FHOD3: variants seen among roughly 807,000 people sequenced by gnomAD.
The protein encoded by FHOD3 is FH1/FH2 domain-containing protein 3.
FHOD3 carries 90 observed loss-of-function variants against 173.0 expected under a neutral mutation model. The observed-to-expected ratio is 0.52, with a 90% CI of 0.44 to 0.62. FHOD3 has a LOEUF of 0.62. FHOD3 is among the 20% of genes least tolerant of loss of function. The probability of loss-of-function intolerance (pLI) is 0.00; values close to 1 mark genes in which losing one functional copy is unlikely to be tolerated. For missense variants in FHOD3, 1,945 were observed against 2,034.7 expected (o/e 0.96, Z 0.85); for synonymous variants, 828 against 823.0 (o/e 1.01, Z -0.10).
chr18:36,377,661 CT>C (rs1356184591), intron 3 of FHOD3, among the ~76,000 whole-genome samples: 1 of 152,166 alleles, frequency 6.6e-6, no homozygotes. Context: ...GCTCGGGCAC[CT>C]GGCCCCTCTG....
chr18:36,587,661 C>T (rs1284657728), intron 6 of FHOD3, among the ~76,000 whole-genome samples: 1 of 152,000 alleles, frequency 6.6e-6, no homozygotes. Context: ...CTTGGTGGTG[C>T]ATGCCTGTAA....
At chr18:36,509,426 CAAAAAAAAAAAAA>C (rs34772691) in intron 4 of FHOD3, among the ~76,000 whole-genome samples, 2 of 54,854 alleles carry the variant, frequency 3.6e-5, no homozygotes, top group Admixed American at 2.0e-4. Flanking sequence ...GACTCCATCT[CAAAAAAAAAAAAA>C]AAGAAAAAAA....
chr18:36,633,167 A>G (rs2034635385), intron 10 of FHOD3, among the ~76,000 whole-genome samples: 1 of 152,184 alleles, frequency 6.6e-6, no homozygotes, highest in Non-Finnish European at 1.5e-5. Context: ...CAGTGTTCCT[A>G]GAGGAAGGTC....
intron 28 of FHOD3, chr18:36,778,505 T>A (rs528891520): frequency 2.0e-5 from 3 of 152,340 alleles, no homozygotes; most frequent in Admixed American, 2.0e-4. Context: ...TGAAGACTTG[T>A]CTTGGGTGAG....
intron 9 of FHOD3, among the ~76,000 whole-genome samples, chr18:36,621,330 G>T (rs1309286723): frequency 6.6e-6 from 1 of 152,160 alleles, no homozygotes; most frequent in Non-Finnish European, 1.5e-5. Context: ...GTATGTATCA[G>T]TTATCTTTTT....
At chr18:36,403,029 G>T (rs933617650) in intron 3 of FHOD3, among the ~76,000 whole-genome samples, 1 of 152,196 alleles carries the variant, frequency 6.6e-6, no homozygotes, top group East Asian at 1.9e-4. Flanking sequence ...GAAAATCTTC[G>T]AGGATAGTTT....
At chr18:36,641,463 C>T (rs2035301071) in intron 10 of FHOD3, among the ~76,000 whole-genome samples, 1 of 152,198 alleles carries the variant, frequency 6.6e-6, no homozygotes, top group African/African-American at 2.4e-5. Context: ...GTCCCTTACT[C>T]AGGTCCTCTT....
chr18:36,624,845 G>A (rs2033977317), intron 9 of FHOD3, among the ~76,000 whole-genome samples: 1 of 152,212 alleles, frequency 6.6e-6, no homozygotes, highest in African/African-American at 2.4e-5. Context: ...GTCTTTTTGT[G>A]TTGTGTATCT....
intron 9 of FHOD3, among the ~76,000 whole-genome samples, chr18:36,616,587 C>G (rs1408673441): frequency 6.6e-6 from 1 of 152,180 alleles, no homozygotes; most frequent in Non-Finnish European, 1.5e-5. Context: ...ATATCATTCA[C>G]AAATGAAGCA....
intron 8 of FHOD3, among the ~76,000 whole-genome samples, chr18:36,603,654 C>T (rs989491397): frequency 6.6e-6 from 1 of 152,046 alleles, no homozygotes; most frequent in South Asian, 2.1e-4. Context: ...CAGGCACGTG[C>T]CACCATGCCT....
intron 7 of FHOD3, among the ~76,000 whole-genome samples, chr18:36,597,903 T>C (rs1209521143): frequency 1.3e-5 from 2 of 152,246 alleles, no homozygotes; most frequent in Admixed American, 6.5e-5. Context: ...ATGTGTGGTC[T>C]TGGCTGTGAT....
chr18:36,622,458 G>T (rs559983986), intron 9 of FHOD3, among the ~76,000 whole-genome samples: 2 of 152,170 alleles, frequency 1.3e-5, no homozygotes, highest in Non-Finnish European at 2.9e-5. Flanking sequence ...TGCTTTCTTG[G>T]TTACATGGGG....
At chr18:36,747,174 T>C in intron 24 of FHOD3, 39 bp downstream of exon 24, 2 of 1,474,344 alleles carry the variant, frequency 1.4e-6, no homozygotes, top group Non-Finnish European at 1.8e-6. Flanking sequence ...ATCAGTACAA[T>C]GGCATATTGA....
chr18:36,713,740 A>G (rs1161418680), intron 18 of FHOD3, among the ~76,000 whole-genome samples: 2 of 152,208 alleles, frequency 1.3e-5, no homozygotes, highest in Non-Finnish European at 2.9e-5. Context: ...TGAATGTATT[A>G]AATTATCACA....
At chr18:36,656,173 C>A (rs2036415542) in intron 13 of FHOD3, among the ~76,000 whole-genome samples, 1 of 152,110 alleles carries the variant, frequency 6.6e-6, no homozygotes, top group Non-Finnish European at 1.5e-5. Flanking sequence ...GGTTTCTTTC[C>A]CTCTTTGCTC....
chr18:36,454,880 A>C (rs2052081787), intron 3 of FHOD3, among the ~76,000 whole-genome samples: 1 of 152,128 alleles, frequency 6.6e-6, no homozygotes, highest in Non-Finnish European at 1.5e-5. Context: ...ACCGGTTTTC[A>C]TGTTCTTGAG....
intron 3 of FHOD3, among the ~76,000 whole-genome samples, chr18:36,469,453 G>A (rs1387252541): frequency 8.8e-6 from 1 of 113,108 alleles, no homozygotes; most frequent in African/African-American, 2.7e-5. Flanking sequence ...CAGAGCATTT[G>A]TTGCTCCCCT....
At chr18:36,571,827 A>G (rs2058463559) in intron 5 of FHOD3, among the ~76,000 whole-genome samples, 1 of 152,238 alleles carries the variant, frequency 6.6e-6, no homozygotes, top group Admixed American at 6.5e-5. Context: ...GCTTCTTTGT[A>G]CAACAGTTAT....
Position 36,500,242 on chromosome 18 carries a change from C to G in FHOD3, c.338-1690C>G, listed in dbSNP as rs116162148. ...GAGCCCTCTGTTCTTTGCCGGAAGGCAATATGTCTGGTAGGGAGACCTTTG... is the reference window on the plus strand; with the variant it reads ...GAGCCCTCTGTTCTTTGCCGGAAGGGAATATGTCTGGTAGGGAGACCTTTG... On this transcript the variant is annotated intron_variant, in intron 3 of 28. Coordinates refer to ENST00000590592, the MANE Select transcript of FHOD3 (RefSeq NM_001281740.3). Among the ~76,000 whole-genome samples, 893 of 152,244 alleles carry G rather than the reference C, an allele frequency of 5.9e-3. 4 individuals are homozygous for G. The highest frequency in any genetic ancestry group is 0.02 in the African/African-American group (848 of 41,550).
Sources: gnomAD v4.1 joint callset for allele counts (sites outside exome capture counted in the v4.1 genomes callset) on GRCh38, gnomAD v4.1.1 for gene constraint, MANE v1.5 for transcripts, NCBI Gene and HGNC (gene_info 2026-07-23, HGNC 2026-07-21) for gene names.